Variants in TSPEAR observed in about 807,000 individuals in gnomAD.
TSPEAR encodes the protein thrombospondin-type laminin G domain and EAR repeat-containing protein.
TSPEAR carries 69 observed loss-of-function variants against 71.6 expected under a neutral mutation model. That is an observed-to-expected ratio of 0.96 (90% CI 0.79 to 1.18). TSPEAR has a LOEUF of 1.18. TSPEAR is among the 50% of genes most tolerant of loss of function. TSPEAR has a pLI of 0.00. For missense variants in TSPEAR, 971 were observed against 894.9 expected (o/e 1.09, Z -1.09); for synonymous variants, 402 against 387.2 (o/e 1.04, Z -0.45).
At chr21:44,575,337 G>A (rs1978363053) in intron 1 of TSPEAR, 1 of 353,822 alleles carries the variant, frequency 2.8e-6, no homozygotes, top group Admixed American at 4.4e-5. Context: ...CCCTCAAGCT[G>A]ACCAATAAAG....
At chr21:44,648,665 C>T (rs587726120) in intron 1 of TSPEAR, among the ~76,000 whole-genome samples, 12 of 152,324 alleles carry the variant, frequency 7.9e-5, no homozygotes, top group African/African-American at 2.6e-4. Flanking sequence ...GAGGCCAAGC[C>T]GCTGTGCAGC....
intron 9 of TSPEAR, among the ~76,000 whole-genome samples, chr21:44,513,513 G>A (rs781972368): frequency 8.6e-5 from 13 of 151,940 alleles, no homozygotes; most frequent in East Asian, 7.8e-4. Context: ...GGCCCTTCCC[G>A]CCCTCCCTCC....
At chr21:44,658,968 G>A (rs59774996) in intron 1 of TSPEAR, among the ~76,000 whole-genome samples, 6,737 of 152,180 alleles carry the variant, frequency 0.044, 474 homozygotes, top group African/African-American at 0.15. Context: ...AAGAGGGCAG[G>A]AAACTCTTTC....
At chr21:44,662,869 G>A (rs778145349) in intron 1 of TSPEAR, among the ~76,000 whole-genome samples, 14 of 152,012 alleles carry the variant, frequency 9.2e-5, no homozygotes, top group Non-Finnish European at 1.8e-4. Flanking sequence ...ATAACCCATG[G>A]TTCAAAGAAG....
At chr21:44,708,995 G>C (rs542955445) in intron 1 of TSPEAR, among the ~76,000 whole-genome samples, 1 of 152,342 alleles carries the variant, frequency 6.6e-6, no homozygotes, top group Non-Finnish European at 1.5e-5. Flanking sequence ...CGCGTGACCG[G>C]TCCCCACCGC....
chr21:44,668,037 G>C (rs1470996756), intron 1 of TSPEAR, among the ~76,000 whole-genome samples: 1 of 152,188 alleles, frequency 6.6e-6, no homozygotes, highest in African/African-American at 2.4e-5. Flanking sequence ...GTTTTACTAA[G>C]AGCAACTAGG....
rs201257982 is a variant in TSPEAR, at chr21:44,528,435, G to A, written c.922+17C>T. 1.2e-6 allele frequency: 2 copies of A among 1,613,388 alleles called. No homozygotes were observed. Among genetic ancestry groups the A allele is most frequent in the Admixed American group, 1.7e-5 (1 of 59,980 alleles). ...GTGGCCCTGCATGCCAACGCCCCGG[G>A]TGCAGGGCTGCCTCACCTGCTAACA... On this transcript the variant is annotated intron_variant, in intron 6 of 11. Coordinates refer to ENST00000323084, the MANE Select transcript of TSPEAR (RefSeq NM_144991.3).
chr21:44,585,080 T>C (rs1409467778), intron 1 of TSPEAR, among the ~76,000 whole-genome samples: 1 of 152,212 alleles, frequency 6.6e-6, no homozygotes, highest in African/African-American at 2.4e-5. Context: ...CGGATTTTTG[T>C]GGACATTTGA....
At chr21:44,697,228 C>G (rs1555950716) in intron 1 of TSPEAR, 4 of 1,614,046 alleles carry the variant, frequency 2.5e-6, no homozygotes, top group Non-Finnish European at 2.5e-6. Context: ...GCGACCTGAG[C>G]TATGGCAGCC....
At chr21:44,676,925 C>T (rs1172131927) in intron 1 of TSPEAR, 2 of 879,740 alleles carry the variant, frequency 2.3e-6, no homozygotes, top group South Asian at 1.3e-5. Flanking sequence ...TGTGCACGGG[C>T]AATCAGGGAG....
intron 2 of TSPEAR, among the ~76,000 whole-genome samples, chr21:44,545,270 A>G (rs1336819695): frequency 6.6e-6 from 1 of 152,074 alleles, no homozygotes; most frequent in Non-Finnish European, 1.5e-5. Flanking sequence ...GTGAGCCGAT[A>G]TCGTGCCACT....
At chr21:44,614,489 C>T (rs587692660) in intron 1 of TSPEAR, among the ~76,000 whole-genome samples, 7 of 152,342 alleles carry the variant, frequency 4.6e-5, no homozygotes, top group South Asian at 2.1e-4. Context: ...AGGGCCCAGG[C>T]GAGGGTGGAA....
chr21:44,596,891 T>C (rs1555927667), intron 1 of TSPEAR, among the ~76,000 whole-genome samples: 1 of 152,264 alleles, frequency 6.6e-6, no homozygotes, highest in Non-Finnish European at 1.5e-5. Flanking sequence ...AAATTAGCCC[T>C]TTCTCTGATA....
At position 44,681,766 on chromosome 21, in the gene TSPEAR, A is replaced by T. The variant is rs182669045; in HGVS notation, c.82+29667T>A. The T allele has an allele frequency of 2.0e-6, 3 of 1,529,730 alleles. 1 individual carries two copies. The highest frequency in any genetic ancestry group is 2.7e-5 in the African/African-American group (2 of 72,948). The allele number at this position is 1,529,730 out of a possible 1,614,324, so 94.8% of individuals were successfully genotyped here. A position where few individuals can be genotyped will look rare whatever the true frequency, so the allele number is the denominator to read the frequency against. On this transcript the variant is annotated intron_variant, in intron 1 of 11. Coordinates refer to ENST00000323084, the MANE Select transcript of TSPEAR (RefSeq NM_144991.3). ...ACCATGTGCAGAAGACCAACTGAGG[A>T]CTCATCCAGGGAGTGTACAGGTGTG...
At chr21:44,694,682 G>T (rs1296487) in intron 1 of TSPEAR, among the ~76,000 whole-genome samples, 147,562 of 152,372 alleles carry the variant, frequency 0.97, 71,485 homozygotes, top group East Asian at 1. Flanking sequence ...TGGAAGAATA[G>T]GCAGTTTTAG....
At chr21:44,565,763 T>C (rs1222418059) in intron 2 of TSPEAR, among the ~76,000 whole-genome samples, 2 of 152,082 alleles carry the variant, frequency 1.3e-5, no homozygotes, top group African/African-American at 2.4e-5. Context: ...TTATACTTAG[T>C]GGGAAAAAAT....
intron 1 of TSPEAR, among the ~76,000 whole-genome samples, chr21:44,651,033 C>T (rs1377398243): frequency 6.6e-6 from 1 of 152,194 alleles, no homozygotes. Context: ...GACTCAGGCT[C>T]TGCAGTAGAA....
chr21:44,627,998 G>A (rs782800742), intron 1 of TSPEAR: 2 of 1,610,746 alleles, frequency 1.2e-6, no homozygotes, highest in South Asian at 1.1e-5. Context: ...CGCCCTGTGT[G>A]CTCCCGCCCG....
Position 44,572,383 on chromosome 21 carries a change from C to T in TSPEAR, c.83-4378G>A, listed in dbSNP as rs781792434. Among the ~76,000 whole-genome samples, 19 of 152,274 alleles carry T rather than the reference C, an allele frequency of 1.2e-4. No individual in the cohort carries two copies. The South Asian group carries it at 1.9e-3, about 15-fold the overall frequency. ...TTTCTCAGAGCTGGGAACCAACCTG[C>T]GGTGGTGTCGGGAAGCTGGCAAAGG... is the stretch of plus-strand genomic sequence containing the variant. On this transcript the variant is annotated intron_variant, in intron 1 of 11. Transcript: ENST00000323084.
Sources: gnomAD v4.1 joint callset for allele counts (sites outside exome capture counted in the v4.1 genomes callset) on GRCh38, gnomAD v4.1.1 for gene constraint, MANE v1.5 for transcripts, NCBI Gene and HGNC (gene_info 2026-07-23, HGNC 2026-07-21) for gene names.